The following EIF2A variants were observed in gnomAD, a reference collection of about 807,000 sequenced individuals.
EIF2A encodes 65 kDa eukaryotic translation initiation factor 2A.
EIF2A carries 62 observed loss-of-function variants against 75.2 expected under a neutral mutation model. The observed-to-expected ratio is 0.82, with a 90% CI of 0.67 to 1.02. The LOEUF is 1.02. Ranked by LOEUF, EIF2A falls within the 50% of genes least tolerant of loss-of-function variation. The pLI is 0.00. For missense variants in EIF2A, 611 were observed against 677.7 expected (o/e 0.90, Z 1.09); for synonymous variants, 207 against 239.0 (o/e 0.87, Z 1.23).
rs1045381300 is a variant in EIF2A at position 150,584,712 on chromosome 3, G to A, written c.*801G>A. On this transcript the variant is annotated 3_prime_UTR_variant, in exon 14 of 14. Transcript: ENST00000460851. Reference sequence around the variant, plus strand: ...AGAGATGGGTTATGTACTTTTCCACGTTTGATAGTTGGTTGTATTTCTTTA... The same window carrying A: ...AGAGATGGGTTATGTACTTTTCCACATTTGATAGTTGGTTGTATTTCTTTA... Among the ~76,000 whole-genome samples, 18 of 152,038 alleles carry A rather than the reference G, an allele frequency of 1.2e-4. No homozygotes were observed. The highest frequency in any genetic ancestry group is 4.3e-4 in the African/African-American group (18 of 41,392).
chr3:150,565,775 T>A, intron 6 of EIF2A: 1 of 149,454 alleles, frequency 6.7e-6, no homozygotes, highest in Non-Finnish European at 1.5e-5. Context: ...CCAGGCTGTT[T>A]TTTAGTTCCA....
chr3:150,585,716 A>T lies in EIF2A; in HGVS notation c.*1805A>T, dbSNP rs768110272. Among the ~76,000 whole-genome samples the T allele has an allele frequency of 1.9e-4, 29 of 152,206 alleles. No homozygotes were observed. The highest frequency in any genetic ancestry group is 3.4e-4 in the Non-Finnish European group (23 of 68,050). On this transcript the variant is annotated 3_prime_UTR_variant, in exon 14 of 14. Transcript: ENST00000460851. ...GTTAATAGACTGACTGTGCCACCTTAAAACTCGTATGTTGAAGCCCTAACC... is the reference window on the plus strand; with the variant it reads ...GTTAATAGACTGACTGTGCCACCTTTAAACTCGTATGTTGAAGCCCTAACC...
In EIF2A at chr3:150,573,132, G is replaced by T. The variant is rs1490225519; in HGVS notation, c.1383+603G>T. On this transcript the variant is annotated intron_variant, in intron 10 of 13. Coordinates refer to ENST00000460851, the MANE Select transcript of EIF2A (RefSeq NM_032025.5). ...GTAACTCCAACCCATCCTGCTTTCTGAATCTGTGCATGATGGCACAATTCT... is the reference window on the plus strand; with the variant it reads ...GTAACTCCAACCCATCCTGCTTTCTTAATCTGTGCATGATGGCACAATTCT... 3.9e-5 allele frequency among the ~76,000 whole-genome samples: 6 copies of T among 152,124 alleles called. No homozygotes were observed. In the East Asian group the frequency reaches 1.2e-3, roughly 29 times the overall value.
In EIF2A at chr3:150,549,380, A is replaced by C. The variant is rs567937677; in HGVS notation, c.28+2550A>C. 1.6e-4 allele frequency among the ~76,000 whole-genome samples: 24 copies of C among 152,094 alleles called. 1 individual carries two copies. The South Asian group carries it at 5.0e-3, about 32-fold the overall frequency. On this transcript the variant is annotated intron_variant, in intron 1 of 13. Coordinates refer to ENST00000460851, the MANE Select transcript of EIF2A (RefSeq NM_032025.5). ...ATTACAGGCGTGCACCACCACGCCC[A>C]GCTAATTTTGTATTTTTAGTAGAGT... is the stretch of plus-strand genomic sequence containing the variant.
At chr3:150,578,859 A>G (rs1444781866) in intron 11 of EIF2A, among the ~76,000 whole-genome samples, 1 of 152,252 alleles carries the variant, frequency 6.6e-6, no homozygotes, top group Non-Finnish European at 1.5e-5. Context: ...AGTCAAAGAT[A>G]GAGCAGTCAG....
At chr3:150,570,262 C>G (rs1372070952) in intron 9 of EIF2A, among the ~76,000 whole-genome samples, 1 of 151,706 alleles carries the variant, frequency 6.6e-6, no homozygotes, top group East Asian at 1.9e-4. Flanking sequence ...ATAAATTAAG[C>G]AAAATGAACA....
rs1462002995 is a variant in EIF2A, at chr3:150,585,554, CTA to C, written c.*1647_*1648del. ...AAAAAAAAATATTTTGGAGCTCCTT[CTA>C]TATGAGTCTCTCTCTCTTATCTCTC... On this transcript the variant is annotated 3_prime_UTR_variant, in exon 14 of 14. Coordinates refer to ENST00000460851, the MANE Select transcript of EIF2A (RefSeq NM_032025.5). 6.6e-6 allele frequency: 1 copy of C among 152,058 alleles called. No homozygotes were observed. The highest frequency in any genetic ancestry group is 6.6e-5 in the Admixed American group (1 of 15,248). The allele number at this position is 152,058 out of a possible 1,614,324, so 9.4% of individuals were successfully genotyped here.
At chr3:150,561,450 C>T (rs557849119) in intron 3 of EIF2A, among the ~76,000 whole-genome samples, 2 of 152,224 alleles carry the variant, frequency 1.3e-5, no homozygotes, top group South Asian at 2.1e-4. Flanking sequence ...TGGTGGCATG[C>T]GCCTGTAGTC....
chr3:150,563,415 C>G, intron 4 of EIF2A, 100 bp from the exon 5 acceptor site: 4 of 896,788 alleles, frequency 4.5e-6, no homozygotes, highest in Non-Finnish European at 5.1e-6. Flanking sequence ...CATGATTTAA[C>G]CCATTTGATA....
At chr3:150,576,216 G>A (rs1397995451) in intron 11 of EIF2A, among the ~76,000 whole-genome samples, 1 of 152,168 alleles carries the variant, frequency 6.6e-6, no homozygotes, top group African/African-American at 2.4e-5. Context: ...CAACGTGGGA[G>A]AATTGCTTGA....
Position 150,552,227 on chromosome 3 carries a change from A to G in EIF2A, c.29-129A>G, listed in dbSNP as rs1400703445. ...TATGCCCTTTTGTTGCTAATATTCTATAGTTCAATGAAATATTTAATGATT... is the reference window on the plus strand; with the variant it reads ...TATGCCCTTTTGTTGCTAATATTCTGTAGTTCAATGAAATATTTAATGATT... On this transcript the variant is annotated intron_variant, in intron 1 of 13. Coordinates refer to ENST00000460851, the MANE Select transcript of EIF2A (RefSeq NM_032025.5). 20 of 729,996 alleles carry G rather than the reference A, an allele frequency of 2.7e-5. No homozygotes were observed. The South Asian group carries it at 2.8e-4, about 10-fold the overall frequency. 45.2% of individuals were successfully genotyped at this position (729,996 alleles called of 1,614,324 possible).
rs73001339 is a variant in EIF2A at position 150,565,167 on chromosome 3, C to T, written c.475+786C>T. On this transcript the variant is annotated intron_variant, in intron 6 of 13. Transcript: ENST00000460851. The stretch of plus-strand genomic sequence containing the variant: ...ATCCCATGGTATAATTTAACATGTT[C>T]ATCTGTCCCCTATAAATTGCAAGTT... The T allele has an allele frequency of 6.6e-3, 3,005 of 456,386 alleles. 63 individuals are homozygous for T. Among genetic ancestry groups the T allele is most frequent in the African/African-American group, 0.054 (2,703 of 50,172 alleles). The allele number at this position is 456,386 out of a possible 1,614,324, so 28.3% of individuals were successfully genotyped here. A position where few individuals can be genotyped will look rare whatever the true frequency, so the allele number is the denominator to read the frequency against.
At chr3:150,578,529 T>G (rs985539690) in intron 11 of EIF2A, among the ~76,000 whole-genome samples, 3 of 151,982 alleles carry the variant, frequency 2.0e-5, no homozygotes, top group Non-Finnish European at 4.4e-5. Flanking sequence ...GTTATAAATT[T>G]ACAACTCTCA....
intron 2 of EIF2A, among the ~76,000 whole-genome samples, chr3:150,556,848 AGTC>A (rs1228076277): frequency 3.3e-5 from 5 of 152,218 alleles, no homozygotes; most frequent in Admixed American, 3.3e-4. Context: ...GTGTTTATTA[AGTC>A]AAAATGAGCT....
intron 11 of EIF2A, among the ~76,000 whole-genome samples, chr3:150,577,792 A>G (rs1355280408): frequency 6.6e-6 from 1 of 152,068 alleles, no homozygotes; most frequent in Non-Finnish European, 1.5e-5. Flanking sequence ...GAATTTTGAC[A>G]GGTCTAGGCT....
At chr3:150,555,472 G>C (rs1723511190) in intron 2 of EIF2A, among the ~76,000 whole-genome samples, 1 of 151,606 alleles carries the variant, frequency 6.6e-6, no homozygotes, top group African/African-American at 2.4e-5. Context: ...TGGCCAGGCT[G>C]GTCTCGAACT....
intron 3 of EIF2A, among the ~76,000 whole-genome samples, chr3:150,559,413 G>A (rs1326622536): frequency 6.6e-6 from 1 of 151,618 alleles, no homozygotes; most frequent in Admixed American, 6.6e-5. Context: ...GATCAGGTTA[G>A]GCTCAAACTC....
At chr3:150,582,407 C>T (rs886277134) in intron 12 of EIF2A, among the ~76,000 whole-genome samples, 12 of 151,840 alleles carry the variant, frequency 7.9e-5, no homozygotes, top group African/African-American at 2.2e-4. Context: ...CTCCGCCTCC[C>T]GGGTTCAGGC....
At chr3:150,563,894 G>A (rs906924585) in intron 5 of EIF2A, among the ~76,000 whole-genome samples, 4 of 151,948 alleles carry the variant, frequency 2.6e-5, no homozygotes, top group Non-Finnish European at 4.4e-5. Flanking sequence ...CTTGGCTCAC[G>A]GCAACCTCTG....
Sources: allele counts gnomAD v4.1 joint callset (sites outside exome capture counted in the v4.1 genomes callset), GRCh38; gene constraint gnomAD v4.1.1; transcripts MANE v1.5; gene names NCBI Gene and HGNC (gene_info 2026-07-23, HGNC 2026-07-21).